Variants in CIMIP5 observed in about 807,000 individuals in gnomAD.
The protein encoded by CIMIP5 is uncharacterized protein C2orf50.
chr2:11,140,086 C>CAAAAAAAAAAAAAAAAAAA, the CIMIP5 span, among the ~76,000 whole-genome samples: 7 of 84,774 alleles, frequency 8.3e-5, no homozygotes, highest in African/African-American at 2.7e-4. Flanking sequence ...GACTCCCTCT[C>CAAAAAAAAAAAAAAAAAAA]AAAAAAAAAA....
At chr2:11,134,531 C>T in the CIMIP5 span, among the ~76,000 whole-genome samples, 1 of 152,222 alleles carries the variant, frequency 6.6e-6, no homozygotes, top group South Asian at 2.1e-4. Flanking sequence ...GTCTTTGCTT[C>T]CAGGAGTCTA....
chr2:11,149,744 TAAA>T, the CIMIP5 span, among the ~76,000 whole-genome samples: 1 of 151,478 alleles, frequency 6.6e-6, no homozygotes, highest in Non-Finnish European at 1.5e-5. Context: ...AAAATAAAAA[TAAA>T]AAAAGTCAAT....
the CIMIP5 span, among the ~76,000 whole-genome samples, chr2:11,142,223 G>A: frequency 1.5e-5 from 2 of 137,544 alleles, no homozygotes; most frequent in South Asian, 2.3e-4. Context: ...CAGAGATCAC[G>A]CCATTGCACT....
the CIMIP5 span, among the ~76,000 whole-genome samples, chr2:11,141,072 A>G: frequency 1.2e-4 from 18 of 146,700 alleles, no homozygotes; most frequent in Non-Finnish European, 2.2e-4. Flanking sequence ...GATCTAAACC[A>G]TCTATCTCCC....
chr2:11,149,313 C>CA, the CIMIP5 span, among the ~76,000 whole-genome samples: 5,194 of 117,938 alleles, frequency 0.044, 276 homozygotes, highest in African/African-American at 0.14. Flanking sequence ...GCACTCTTGC[C>CA]AAAAAAAAAA....
chr2:11,140,558 A>G, the CIMIP5 span: 1 of 1,560,674 alleles, frequency 6.4e-7, no homozygotes, highest in Non-Finnish European at 8.8e-7. Context: ...TGGTAAGGTA[A>G]AATATGTTCC....
the CIMIP5 span, among the ~76,000 whole-genome samples, chr2:11,134,550 G>C: frequency 1.6e-4 from 24 of 152,140 alleles, no homozygotes; most frequent in Non-Finnish European, 2.6e-4. Flanking sequence ...TATTTTCAGT[G>C]CCTCATAGAA....
At chr2:11,134,425 C>G in the CIMIP5 span, among the ~76,000 whole-genome samples, 1 of 152,178 alleles carries the variant, frequency 6.6e-6, no homozygotes, top group Non-Finnish European at 1.5e-5. Context: ...CTGATAGATT[C>G]TAGGATGCAT....
At chr2:11,149,443 C>A in the CIMIP5 span, among the ~76,000 whole-genome samples, 1 of 152,194 alleles carries the variant, frequency 6.6e-6, no homozygotes, top group Non-Finnish European at 1.5e-5. Flanking sequence ...CTGTGACTCA[C>A]GCCCATAATG....
At chr2:11,145,854 CAAAAT>C in the CIMIP5 span, 2 of 152,232 alleles carry the variant, frequency 1.3e-5, no homozygotes, top group Non-Finnish European at 2.9e-5. Flanking sequence ...GACACACAAA[CAAAAT>C]AAACAAAAAC....
the CIMIP5 span, among the ~76,000 whole-genome samples, chr2:11,140,009 C>G: frequency 6.7e-6 from 1 of 148,688 alleles, no homozygotes. Flanking sequence ...ATTGCTTGAA[C>G]CTGGGAGGCA....
chr2:11,137,987 A>G, the CIMIP5 span, among the ~76,000 whole-genome samples: 1 of 152,202 alleles, frequency 6.6e-6, no homozygotes, highest in Non-Finnish European at 1.5e-5. Context: ...CTGGGACTAC[A>G]GGTGCCCGCT....
chr2:11,154,375 ATGG>A, the CIMIP5 span, among the ~76,000 whole-genome samples: 1 of 151,688 alleles, frequency 6.6e-6, no homozygotes, highest in Non-Finnish European at 1.5e-5. Flanking sequence ...GGCGGAGGTG[ATGG>A]GCCGGTGAGG....
At chr2:11,140,597 C>A in the CIMIP5 span, 42 of 1,391,956 alleles carry the variant, frequency 3.0e-5, no homozygotes, top group African/African-American at 5.5e-4. Context: ...TTGAATATTA[C>A]TCATTCTTTC....
chr2:11,144,263 G>A, the CIMIP5 span: 744 of 566,558 alleles, frequency 1.3e-3, 2 homozygotes, highest in African/African-American at 0.013. Flanking sequence ...GACCCAAGGG[G>A]TCACTCTTAC....
the CIMIP5 span, chr2:11,133,581 C>A: frequency 6.2e-7 from 1 of 1,601,156 alleles, no homozygotes; most frequent in South Asian, 1.1e-5. Flanking sequence ...GCGGCGGGGC[C>A]AGCAGCGCTG....
At chr2:11,153,578 G>C in the CIMIP5 span, among the ~76,000 whole-genome samples, 16 of 152,250 alleles carry the variant, frequency 1.1e-4, no homozygotes, top group Non-Finnish European at 2.2e-4. Context: ...CATGATGAAA[G>C]TAAAACACCT....
At chr2:11,134,471 T>G in the CIMIP5 span, among the ~76,000 whole-genome samples, 27 of 152,326 alleles carry the variant, frequency 1.8e-4, no homozygotes, top group African/African-American at 6.5e-4. Flanking sequence ...ACCCGTTGAT[T>G]AGCAACGCCC....
chr2:11,146,487 A>G, the CIMIP5 span: 1 of 152,242 alleles, frequency 6.6e-6, no homozygotes, highest in African/African-American at 2.4e-5. Flanking sequence ...TGATTTTTCC[A>G]ATCTCTGGGA....
Sources: gnomAD v4.1 joint callset for allele counts (sites outside exome capture counted in the v4.1 genomes callset) on GRCh38, gnomAD v4.1.1 for gene constraint, MANE v1.5 for transcripts, NCBI Gene and HGNC (gene_info 2026-07-23, HGNC 2026-07-21) for gene names.